The following SELENON variants were observed in gnomAD, a reference collection of about 807,000 sequenced individuals.
SELENON encodes selenoprotein N, 1.
Under a neutral mutation model 59.5 loss-of-function variants are expected in SELENON, and 44 were observed. The observed-to-expected ratio is 0.74, with a 90% confidence interval of 0.58 to 0.95. The LOEUF (loss-of-function observed/expected upper bound fraction) is 0.95. Among genes scored for constraint, SELENON ranks in the 40% least tolerant of loss-of-function variants. The probability of loss-of-function intolerance (pLI) is 0.00; values close to 1 mark genes in which losing one functional copy is unlikely to be tolerated. For synonymous variants in SELENON, 320 were observed against 305.6 expected, an observed-to-expected ratio of 1.05 and a Z score of -0.49; for missense variants, 674 against 721.4, an observed-to-expected ratio of 0.93 and a Z score of 0.75.
At position 25,814,185 on chromosome 1, in the gene SELENON, A is replaced by G; in HGVS notation, c.1602+7A>G. Reference sequence around the variant, plus strand: ...CCTGCCCAATGGCACCGTGGTAGGCACCCCCACTCAGACCCCACAGGGCCC... The same window carrying G: ...CCTGCCCAATGGCACCGTGGTAGGCGCCCCCACTCAGACCCCACAGGGCCC... On this transcript the variant is annotated splice_region_variant and intron_variant, in intron 12 of 12. Transcript: ENST00000361547. The G allele has an allele frequency of 6.2e-7, 1 of 1,612,086 alleles. No individual in the cohort carries two copies. Among genetic ancestry groups the G allele is most frequent in the Non-Finnish European group, 8.5e-7 (1 of 1,178,914 alleles).
intron 4 of SELENON, among the ~76,000 whole-genome samples, chr1:25,805,634 T>C (rs2047900216): frequency 7.0e-6 from 1 of 143,708 alleles, no homozygotes; most frequent in African/African-American, 3.0e-5. Flanking sequence ...CCACATACTA[T>C]GATGATTATT....
rs1021636272 is a variant in SELENON at position 25,815,588 on chromosome 1, C to T, written c.1643C>T (p.Ser548Phe). 3.1e-6 allele frequency: 5 copies of T among 1,614,206 alleles called. No individual in the cohort carries two copies. Among genetic ancestry groups the T allele is most frequent in the Non-Finnish European group, 3.4e-6 (4 of 1,180,036 alleles). Residue 548 changes from serine (S) to phenylalanine (F), a missense_variant, in exon 13 of 13, where the codon TCC becomes TTC. Coordinates refer to ENST00000361547, the MANE Select transcript of SELENON (RefSeq NM_020451.3). Reference sequence around the variant, plus strand: ...GCCAACTACTTCTTGGACATCACCTCCGTGAAGCCCGAGGAAATCGAGAGC... The same window carrying T: ...GCCAACTACTTCTTGGACATCACCTTCGTGAAGCCCGAGGAAATCGAGAGC...
rs34177164 is a variant in SELENON, at chr1:25,809,124, C to G, written c.846C>G (p.Ser282Arg). The G allele has an allele frequency of 2.5e-6, 4 of 1,613,676 alleles. No individual in the cohort carries two copies. The highest frequency in any genetic ancestry group is 3.4e-6 in the Non-Finnish European group (4 of 1,180,036). Residue 282 changes from serine (S) to arginine (R), a missense_variant, in exon 6 of 13, where the codon AGC becomes AGG. By Grantham distance (110) the Ser-to-Arg change is moderately radical. Transcript: ENST00000361547. The stretch of plus-strand genomic sequence containing the variant: ...CTGTGGCCTGCCTGACTGCCATCAG[C>G]GACTTCTACTACACTGTGATGTTCC...
chr1:25,810,395 G>C (rs911820746), intron 7 of SELENON, among the ~76,000 whole-genome samples: 1 of 152,242 alleles, frequency 6.6e-6, no homozygotes, highest in Non-Finnish European at 1.5e-5. Context: ...CCTGTCAGCA[G>C]AGTAGAGGAC....
rs754705558 is a variant in SELENON at position 25,809,705 on chromosome 1, A to C, written c.895A>C (p.Ser299Arg). Residue 299 changes from serine to arginine, a missense_variant, in exon 7 of 13, where the codon AGT becomes CGT. Ser to Arg is a moderately radical substitution (Grantham distance 110). Transcript: ENST00000361547. ...CAGGATCCATGCCGAGTTCCAGCTC[A>C]GTGAGCCGCCCGACTTCCCCTTTTG... The C allele has an allele frequency of 6.2e-7, 1 of 1,614,038 alleles. No homozygotes were observed. The highest frequency in any genetic ancestry group is 2.2e-5 in the East Asian group (1 of 44,878).
Position 25,807,126 on chromosome 1 carries a change from A to T in SELENON, c.538-1454A>T, listed in dbSNP as rs2047914623. Among the ~76,000 whole-genome samples, 1 of 151,456 alleles carries T rather than the reference A, an allele frequency of 6.6e-6. No individual in the cohort carries two copies. On this transcript the variant is annotated intron_variant, in intron 4 of 12. Transcript: ENST00000361547. This position sits in a 1 kb window ranked among gnomAD's most constrained non-coding sequence, Gnocchi z 4.5. ...ATTATAGGGATTACAGGTGTGAGCC[A>T]CCATGCCCGGCCGGGAGCCCCTTTC...
chr1:25,808,262 C>T (rs2047924637), intron 4 of SELENON, among the ~76,000 whole-genome samples: 1 of 151,872 alleles, frequency 6.6e-6, no homozygotes, highest in South Asian at 2.1e-4. Flanking sequence ...CCCATTCCAA[C>T]CTTGCCCTCG....
Position 25,809,815 on chromosome 1 carries a change from C to T in SELENON, c.1005C>T (p.Asn335=). ...GCGACTTCCGGCTCTTCGTGCCCAA[C>T]CACAGGTGGGAGCTTGACCCTGGCC... The change falls in exon 7 of 13, where the codon AAC becomes AAT. Residue 335 remains asparagine (N), a synonymous_variant. Transcript: ENST00000361547. 6.2e-7 allele frequency: 1 copy of T among 1,613,588 alleles called. No individual in the cohort carries two copies. Among genetic ancestry groups the T allele is most frequent in the Non-Finnish European group, 8.5e-7 (1 of 1,180,034 alleles).
intron 4 of SELENON, among the ~76,000 whole-genome samples, chr1:25,806,814 CCT>C (rs1477662332): frequency 6.6e-6 from 1 of 151,402 alleles, no homozygotes; most frequent in Non-Finnish European, 1.5e-5. Flanking sequence ...CTGGGGAGCC[CCT>C]TTCTTTTTTT....
rs369709974 is a variant in SELENON, at chr1:25,811,727, G to A, written c.1129G>A (p.Val377Met). The A allele has an allele frequency of 1.2e-5, 20 of 1,606,030 alleles. No individual in the cohort carries two copies. The highest frequency in any genetic ancestry group is 1.7e-4 in the Middle Eastern group (1 of 6,046). ...GGCCACGGGCCCCTCTGTGCCCTCC[G>A]TGATCCTGGATGAGGATGGCAGCAT... Residue 377 changes from valine to methionine, a missense_variant, in exon 9 of 13, where the codon GTG becomes ATG. Physicochemically the swap from Val to Met is conservative, Grantham distance 21 (BLOSUM62 1). Coordinates refer to ENST00000361547, the MANE Select transcript of SELENON (RefSeq NM_020451.3).
rs112149419 is a variant in SELENON, at chr1:25,811,965, G to A, written c.1281+86G>A. 44 of 1,352,270 alleles carry A rather than the reference G, an allele frequency of 3.3e-5. 1 individual carries two copies. In the African/African-American group the frequency reaches 4.5e-4, roughly 14 times the overall value. The allele number at this position is 1,352,270 out of a possible 1,614,324, so 83.8% of individuals were successfully genotyped here. ...GGAGCAGCAGCTGGGCACAGACGCT[G>A]GTATGTGTGCAGGGCTTGCTACTGA... is the stretch of plus-strand genomic sequence containing the variant. On this transcript the variant is annotated intron_variant, in intron 9 of 12. Transcript: ENST00000361547.
In SELENON at chr1:25,807,310, C is replaced by T. The variant is rs2124444700; in HGVS notation, c.538-1270C>T. On this transcript the variant is annotated intron_variant, in intron 4 of 12. Transcript: ENST00000361547. This position sits in a 1 kb window ranked among gnomAD's most constrained non-coding sequence, Gnocchi z 4.5. ...TGTACCCTGATAGAAACTTCCTATA[C>T]AGTAGGTGCATAAAACATTTTGTGG... Among the ~76,000 whole-genome samples, 1 of 152,292 alleles carries T rather than the reference C, an allele frequency of 6.6e-6. No homozygotes were observed. Among genetic ancestry groups the T allele is most frequent in the South Asian group, 2.1e-4 (1 of 4,820 alleles).
At chr1:25,804,645 C>CT (rs2047887999) in intron 3 of SELENON, among the ~76,000 whole-genome samples, 1 of 10,820 alleles carries the variant, frequency 9.2e-5, no homozygotes, top group African/African-American at 1.1e-3. Flanking sequence ...GCCCCCCCCG[C>CT]CCCCCCCCCC....
chr1:25,801,772 A>G (rs1400197605), intron 2 of SELENON, among the ~76,000 whole-genome samples: 1 of 152,218 alleles, frequency 6.6e-6, no homozygotes, highest in Non-Finnish European at 1.5e-5. Flanking sequence ...ACCTCACAGT[A>G]GCCCTGGGAG....
intron 3 of SELENON, 66 bp from the exon 3 acceptor site, chr1:25,805,076 G>A: frequency 6.2e-7 from 1 of 1,605,496 alleles, no homozygotes; most frequent in South Asian, 1.1e-5. Flanking sequence ...AGCTAGTGTG[G>A]ATGATGAGGG....
chr1:25,811,780 G>A lies in SELENON; in HGVS notation c.1182G>A (p.Glu394=). Reference sequence around the variant, plus strand: ...TCGACAGCCACCTGCCTTCAGGGGAGCCCCTGCAGTTTGTGTTTGAGGAGA... The same window carrying A: ...TCGACAGCCACCTGCCTTCAGGGGAACCCCTGCAGTTTGTGTTTGAGGAGA... Residue 394 remains glutamate (E), a synonymous_variant, in exon 9 of 13, where the codon GAG becomes GAA. Transcript: ENST00000361547. The A allele has an allele frequency of 6.3e-7, 1 of 1,591,430 alleles. No homozygotes were observed. Among genetic ancestry groups the A allele is most frequent in the Non-Finnish European group, 8.6e-7 (1 of 1,169,184 alleles).
At position 25,805,154 on chromosome 1, in the gene SELENON, C is replaced by A; in HGVS notation, c.416C>A (p.Ala139Glu). The stretch of plus-strand genomic sequence containing the variant: ...CTGTGTCTCATAGGGTCAACTCCCG[C>A]GGCCAGCTGCGAGGAGGAGGAGTTG... The change falls in exon 4 of 13, where the codon GCG becomes GAG. Residue 139 changes from alanine (A) to glutamate (E), a missense_variant. Coordinates refer to ENST00000361547, the MANE Select transcript of SELENON (RefSeq NM_020451.3). 1 of 1,613,634 alleles carries A rather than the reference C, an allele frequency of 6.2e-7. No homozygotes were observed. Among genetic ancestry groups the A allele is most frequent in the Non-Finnish European group, 8.5e-7 (1 of 1,180,020 alleles).
intron 10 of SELENON, 116 bp downstream of exon 9, chr1:25,812,908 GC>G: frequency 1.3e-6 from 1 of 752,408 alleles, no homozygotes; most frequent in Non-Finnish European, 2.2e-6. Context: ...CTCAGGGACT[GC>G]CCATGGTAGG....
In SELENON at chr1:25,807,218, T is replaced by C. The variant is rs138134579; in HGVS notation, c.538-1362T>C. Among the ~76,000 whole-genome samples, 1,532 of 152,250 alleles carry C rather than the reference T, an allele frequency of 0.01. 26 individuals carry two copies. The highest frequency in any genetic ancestry group is 0.034 in the African/African-American group (1,411 of 41,524). ...AAGGAGGAGCTCACAGGGAAGGGCA[T>C]TGCCCGTTTTGGGTCCTGTTTACTT... is the stretch of plus-strand genomic sequence containing the variant. On this transcript the variant is annotated intron_variant, in intron 4 of 12. Coordinates refer to ENST00000361547, the MANE Select transcript of SELENON (RefSeq NM_020451.3). This position sits in a 1 kb window ranked among gnomAD's most constrained non-coding sequence, Gnocchi z 4.5.
Sources: allele counts gnomAD v4.1 joint callset (sites outside exome capture counted in the v4.1 genomes callset), GRCh38; gene constraint gnomAD v4.1.1; non-coding constraint Gnocchi (gnomAD v3.1); transcripts MANE v1.5; gene names NCBI Gene and HGNC (gene_info 2026-07-23, HGNC 2026-07-21).